The following ANXA2 variants were observed in gnomAD, a reference collection of about 807,000 sequenced individuals.
ANXA2 encodes annexin II.
ANXA2 carries 28 observed loss-of-function variants against 47.3 expected under a neutral mutation model. The observed-to-expected ratio is 0.59, with a 90% CI of 0.44 to 0.81. The LOEUF (loss-of-function observed/expected upper bound fraction) is 0.81. Ranked by LOEUF, ANXA2 falls within the 40% of genes least tolerant of loss-of-function variation. ANXA2 has a pLI of 0.00. For synonymous variants in ANXA2, 172 were observed against 155.5 expected, an observed-to-expected ratio of 1.11 and a Z score of -0.79; for missense variants, 384 against 414.3, an observed-to-expected ratio of 0.93 and a Z score of 0.64.
intron 3 of ANXA2, among the ~76,000 whole-genome samples, chr15:60,366,802 CGGG>C (rs1221245522): frequency 0.011 from 15 of 1,310 alleles, no homozygotes; most frequent in African/African-American, 0.02. Context: ...GGGAGGGAGG[CGGG>C]GGGGGGGGGG....
At chr15:60,377,664 T>C (rs2062799041) in intron 3 of ANXA2, among the ~76,000 whole-genome samples, 2 of 152,180 alleles carry the variant, frequency 1.3e-5, no homozygotes, top group Admixed American at 1.3e-4. Context: ...AGAGACAAAG[T>C]GAATAGCATT....
At chr15:60,393,563 T>C (rs756017276) in intron 1 of ANXA2, 8 of 985,480 alleles carry the variant, frequency 8.1e-6, no homozygotes, top group Non-Finnish European at 8.4e-6. Flanking sequence ...AAGAGTTAAC[T>C]GGACTGTTAA....
intron 4 of ANXA2, 45 bp downstream of exon 4, chr15:60,364,384 A>C (rs1367643025): frequency 6.5e-7 from 1 of 1,536,402 alleles, no homozygotes; most frequent in Non-Finnish European, 8.9e-7. Context: ...CTGAGGAAAC[A>C]AAAATTCAAC....
At position 60,351,173 on chromosome 15, in the gene ANXA2, T is replaced by C. The variant is rs771974780; in HGVS notation, c.837+20A>G. Reference sequence around the variant, plus strand: ...AAAGCTGAGTGTGGAAACACAGCTCTCTCAGCCAGCTGCCCTTACCTTCAT... The same window carrying C: ...AAAGCTGAGTGTGGAAACACAGCTCCCTCAGCCAGCTGCCCTTACCTTCAT... On this transcript the variant is annotated intron_variant, in intron 11 of 12. Coordinates refer to ENST00000451270, the MANE Select transcript of ANXA2 (RefSeq NM_004039.3). 1 of 1,613,424 alleles carries C rather than the reference T, an allele frequency of 6.2e-7. No homozygotes were observed. Among genetic ancestry groups the C allele is most frequent in the South Asian group, 1.1e-5 (1 of 91,056 alleles).
At chr15:60,376,509 T>C (rs934712958) in intron 3 of ANXA2, among the ~76,000 whole-genome samples, 1 of 151,972 alleles carries the variant, frequency 6.6e-6, no homozygotes, top group African/African-American at 2.4e-5. Flanking sequence ...GGACAGGTAT[T>C]TTTGGTTTTG....
chr15:60,349,768 GGGAA>G (rs1277735237), intron 11 of ANXA2, among the ~76,000 whole-genome samples: 11 of 146,314 alleles, frequency 7.5e-5, no homozygotes, highest in South Asian at 6.8e-4. Context: ...GAAAGAAAAA[GGGAA>G]GGAAGGAAGG....
intron 3 of ANXA2, among the ~76,000 whole-genome samples, chr15:60,379,707 T>C (rs1447762875): frequency 3.9e-5 from 6 of 152,238 alleles, no homozygotes; most frequent in African/African-American, 1.2e-4. Flanking sequence ...CTGAAGTGCC[T>C]GGTGCAGTAT....
At chr15:60,385,743 A>G in intron 2 of ANXA2, 1 of 347,220 alleles carries the variant, frequency 2.9e-6, no homozygotes. Flanking sequence ...CATAACAGTT[A>G]TTACCAATGA....
chr15:60,393,780 A>T, intron 1 of ANXA2: 2 of 813,136 alleles, frequency 2.5e-6, no homozygotes, highest in Non-Finnish European at 3.0e-6. Context: ...CTTCCGTATT[A>T]TCCGCCCACA....
At chr15:60,351,568 T>A in intron 10 of ANXA2, 156 bp downstream of exon 10, 1 of 645,304 alleles carries the variant, frequency 1.5e-6, no homozygotes, top group Non-Finnish European at 2.8e-6. Context: ...TTCTTCAGTT[T>A]TATATTCTGA....
intron 3 of ANXA2, among the ~76,000 whole-genome samples, chr15:60,369,195 G>A (rs2062679558): frequency 6.6e-6 from 1 of 152,162 alleles, no homozygotes; most frequent in African/African-American, 2.4e-5. Flanking sequence ...TTTAGGAACG[G>A]GCAGAAGAGA....
chr15:60,350,191 GA>G (rs150255295), intron 11 of ANXA2, among the ~76,000 whole-genome samples: 1 of 148,170 alleles, frequency 6.7e-6, no homozygotes, highest in African/African-American at 2.5e-5. Context: ...AAAAAAGAAA[GA>G]AAAAAAAAGA....
chr15:60,348,476 G>A (rs574622791), intron 12 of ANXA2, among the ~76,000 whole-genome samples: 6 of 152,344 alleles, frequency 3.9e-5, no homozygotes, highest in African/African-American at 1.4e-4. Context: ...CGGGCGCAGT[G>A]GCTCACGCCT....
Position 60,383,532 on chromosome 15 carries a change from C to T in ANXA2, c.49-1091G>A, listed in dbSNP as rs1290688736. ...ATGGAGTGCTTCTACGTCAGTTCTC[C>T]TTTCAAGGTATTAACTTCCCTCCTT... On this transcript the variant is annotated intron_variant, in intron 2 of 12. Coordinates refer to ENST00000451270, the MANE Select transcript of ANXA2 (RefSeq NM_004039.3). 7.9e-5 allele frequency: 12 copies of T among 152,246 alleles called. 1 individual carries two copies. The highest frequency in any genetic ancestry group is 7.9e-4 in the Admixed American group (12 of 15,282). The allele number at this position is 152,246 out of a possible 1,614,324, so 9.4% of individuals were successfully genotyped here.
intron 1 of ANXA2, among the ~76,000 whole-genome samples, chr15:60,391,912 A>T (rs898965859): frequency 6.6e-5 from 10 of 151,122 alleles, no homozygotes; most frequent in Non-Finnish European, 1.5e-4. Context: ...AAAAAAAAAA[A>T]TCAGCAAATT....
chr15:60,357,610 A>G (rs760864486), intron 5 of ANXA2, among the ~76,000 whole-genome samples: 129 of 152,206 alleles, frequency 8.5e-4, no homozygotes, highest in Non-Finnish European at 6.8e-4. Flanking sequence ...TGGCTAACAC[A>G]GTGAAACCCC....
chr15:60,352,613 C>A lies in ANXA2; in HGVS notation c.589-137G>T. ...AAGATGATTATACTGCAGACATGGG[C>A]AGAGACCTACTATTTAGGTCAAAAG... is the stretch of plus-strand genomic sequence containing the variant. On this transcript the variant is annotated intron_variant, in intron 8 of 12. Coordinates refer to ENST00000451270, the MANE Select transcript of ANXA2 (RefSeq NM_004039.3). The surrounding 1 kb of genome is among the most constrained non-coding windows in gnomAD (Gnocchi z 4.2). The A allele has an allele frequency of 1.5e-6, 1 of 662,768 alleles. No homozygotes were observed. The highest frequency in any genetic ancestry group is 1.9e-5 in the South Asian group (1 of 52,840). The allele number at this position is 662,768 out of a possible 1,614,324, so 41.1% of individuals were successfully genotyped here.
chr15:60,351,211 C>T lies in ANXA2; in HGVS notation c.819G>A (p.Arg273=). 6.2e-7 allele frequency: 1 copy of T among 1,614,184 alleles called. No homozygotes were observed. Among genetic ancestry groups the T allele is most frequent in the South Asian group, 1.1e-5 (1 of 91,090 alleles). ...IQNKPLYFAD[R]LYDSMKGKGT... is the part of the protein sequence containing the mutation. ...CCCTTACCTTCATGGAGTCATACAGCCGATCAGCAAAATACAGGGGCTTGT... is the reference window on the plus strand; with the variant it reads ...CCCTTACCTTCATGGAGTCATACAGTCGATCAGCAAAATACAGGGGCTTGT... Residue 273 remains arginine (R), a synonymous_variant, in exon 11 of 13, where the codon CGG becomes CGA. Coordinates refer to ENST00000451270, the MANE Select transcript of ANXA2 (RefSeq NM_004039.3).
intron 12 of ANXA2, among the ~76,000 whole-genome samples, chr15:60,347,913 G>A (rs1243716127): frequency 1.3e-5 from 2 of 152,324 alleles, no homozygotes; most frequent in East Asian, 3.9e-4. Context: ...AGACACTCAA[G>A]GCTCCTTAGG....
Sources: allele counts gnomAD v4.1 joint callset (sites outside exome capture counted in the v4.1 genomes callset), GRCh38; gene constraint gnomAD v4.1.1; non-coding constraint Gnocchi (gnomAD v3.1); transcripts MANE v1.5; gene names NCBI Gene and HGNC (gene_info 2026-07-23, HGNC 2026-07-21).